Variants in NT5DC4 observed in about 807,000 individuals in gnomAD.
NT5DC4 encodes 5'-nucleotidase domain containing 4.
In NT5DC4, 44 loss-of-function variants were observed where a neutral mutation model predicts 26.6. The ratio of observed to expected loss-of-function variants is 1.65; its 90% CI spans 1.30 to 2.13. The LOEUF is 2.13. Among genes scored for constraint, NT5DC4 ranks in the 30% most tolerant of loss-of-function variants. The probability of loss-of-function intolerance (pLI) is 0.00; values close to 1 mark genes in which losing one functional copy is unlikely to be tolerated. For synonymous variants in NT5DC4, 157 were observed against 86.7 expected (o/e 1.81, Z -4.51); for missense variants, 399 against 228.1 (o/e 1.75, Z -4.83).
chr2:112,740,913 T>C, downstream of NT5DC4: 5 of 1,614,094 alleles, frequency 3.1e-6, no homozygotes, highest in Non-Finnish European at 4.2e-6. Flanking sequence ...CCCTCTCTTT[T>C]GGAGAAAGAC....
chr2:112,727,682 G>A (rs1029636296), intron 15 of NT5DC4, among the ~76,000 whole-genome samples: 1 of 152,212 alleles, frequency 6.6e-6, no homozygotes, highest in Non-Finnish European at 1.5e-5. Context: ...AGAGTCACAG[G>A]TTTCAATGTC....
chr2:112,736,863 C>A (rs1679254898), intron 16 of NT5DC4: 1 of 152,064 alleles, frequency 6.6e-6, no homozygotes, highest in Non-Finnish European at 1.5e-5. Flanking sequence ...GTTTCCACAT[C>A]TTGGCTATTG....
intron 1 of NT5DC4, among the ~76,000 whole-genome samples, 182 bp downstream of exon 1, chr2:112,721,335 C>T (rs538680267): frequency 4.7e-4 from 71 of 152,350 alleles, no homozygotes; most frequent in South Asian, 8.3e-4. Context: ...GAACTGACCA[C>T]ACACACTCCG....
chr2:112,739,453 G>A (rs1207979120), downstream of NT5DC4, among the ~76,000 whole-genome samples: 1 of 152,188 alleles, frequency 6.6e-6, no homozygotes, highest in Non-Finnish European at 1.5e-5. Flanking sequence ...TTTCCAGAAT[G>A]TACTGGGTGG....
chr2:112,725,191 C>G lies in NT5DC4; in HGVS notation c.933C>G (p.His311Gln), dbSNP rs769094639. Residue 311 changes from histidine (H) to glutamine (Q), a missense_variant, in exon 12 of 17, where the codon CAC becomes CAG. Coordinates refer to ENST00000688554, the MANE Select transcript of NT5DC4 (RefSeq NM_001393655.1). ...CCCTCCAGGACTCAGGAAAGCTCCA[C>G]GTGGGCACCTACACAGGGCCCCACC... ...MAGAEDSGKLHVGTYTGPHQH... is the reference protein window; with the variant it reads ...MAGAEDSGKLQVGTYTGPHQH... The G allele has an allele frequency of 5.6e-6, 4 of 716,084 alleles. No individual in the cohort carries two copies. In the African/African-American group the frequency reaches 7.0e-5, roughly 13 times the overall value. The allele number at this position is 716,084 out of a possible 1,614,324, so 44.4% of individuals were successfully genotyped here. A position where few individuals can be genotyped will look rare whatever the true frequency, so the allele number is the denominator to read the frequency against.
At chr2:112,722,844 GC>G (rs1308836110) in intron 6 of NT5DC4, 73 bp downstream of exon 6, 4 of 715,082 alleles carry the variant, frequency 5.6e-6, no homozygotes, top group Admixed American at 4.0e-5. Flanking sequence ...CCAAAGAGGG[GC>G]CCCCCAAGGG....
At chr2:112,741,448 A>G (rs1679957198), downstream of NT5DC4, among the ~76,000 whole-genome samples, 1 of 152,196 alleles carries the variant, frequency 6.6e-6, no homozygotes. Context: ...TGCCTTGGAC[A>G]GTGGGCAAAA....
chr2:112,729,864 T>C lies in NT5DC4; in HGVS notation c.1344+160T>C, dbSNP rs116723138. On this transcript the variant is annotated intron_variant, in intron 16 of 16. Transcript: ENST00000688554. ...AAGCATAGTCATTCCTCATTATTTA[T>C]GTAAAAATGCGTATTATTTTATTGT... Among the ~76,000 whole-genome samples the C allele has an allele frequency of 6.1e-3, 931 of 152,374 alleles. 13 individuals are homozygous for C. The highest frequency in any genetic ancestry group is 0.021 in the African/African-American group (886 of 41,586).
intron 16 of NT5DC4, among the ~76,000 whole-genome samples, chr2:112,734,589 G>A (rs1376214874): frequency 6.6e-6 from 1 of 152,190 alleles, no homozygotes. Context: ...GAGATGCCAA[G>A]TTTGGCTTTG....
At chr2:112,738,701 A>C in intron 16 of NT5DC4, 1 of 658,404 alleles carries the variant, frequency 1.5e-6, no homozygotes, top group African/African-American at 1.8e-5. Context: ...GAATTACTTA[A>C]GTCCTGAGCG....
At chr2:112,740,689 C>T (rs762897264), downstream of NT5DC4, 112 of 717,050 alleles carry the variant, frequency 1.6e-4, 1 homozygote, top group Middle Eastern at 1.3e-3. Context: ...TCTAATACCC[C>T]TCCTGACTCT....
intron 15 of NT5DC4, 76 bp from the exon 16 acceptor site, chr2:112,729,551 T>C: frequency 1.4e-6 from 1 of 708,906 alleles, no homozygotes; most frequent in East Asian, 2.7e-5. Flanking sequence ...CAGGGGAGCC[T>C]GTGCATAGCT....
chr2:112,724,668 G>A (rs978845123), intron 10 of NT5DC4, 113 bp from the exon 11 acceptor site: 2 of 663,792 alleles, frequency 3.0e-6, no homozygotes, highest in Non-Finnish European at 5.6e-6. Flanking sequence ...GGCTGAAGAG[G>A]TCTCATCCAG....
chr2:112,723,315 G>A (rs1025502034), intron 7 of NT5DC4, 103 bp from the exon 8 acceptor site: 42 of 695,296 alleles, frequency 6.0e-5, no homozygotes, highest in East Asian at 3.8e-4. Context: ...TCCCAGAGCC[G>A]CCCACTTTTC....
chr2:112,734,712 CAG>C (rs1056970626), intron 16 of NT5DC4, among the ~76,000 whole-genome samples: 59 of 149,374 alleles, frequency 3.9e-4, no homozygotes, highest in African/African-American at 9.7e-4. Context: ...TTTTGTGAGA[CAG>C]AGTCTTGCTC....
At chr2:112,719,962 CTTTCTT>C (rs1676721729), upstream of NT5DC4, among the ~76,000 whole-genome samples, 1 of 112,328 alleles carries the variant, frequency 8.9e-6, no homozygotes, top group Non-Finnish European at 1.8e-5. Context: ...TTCTTTCTTT[CTTTCTT>C]TCTTTCTTTC....
At chr2:112,735,402 A>T (rs960003629) in intron 16 of NT5DC4, among the ~76,000 whole-genome samples, 1 of 152,154 alleles carries the variant, frequency 6.6e-6, no homozygotes, top group Non-Finnish European at 1.5e-5. Flanking sequence ...CATAGTGAGC[A>T]CTAACAAATG....
intron 7 of NT5DC4, 68 bp from the exon 8 acceptor site, chr2:112,723,350 T>G: frequency 5.0e-6 from 2 of 397,052 alleles, no homozygotes; most frequent in South Asian, 6.0e-5. Context: ...GACATGTGGG[T>G]GGGTACACAT....
intron 11 of NT5DC4, 60 bp downstream of exon 11, chr2:112,724,966 C>T: frequency 2.8e-6 from 2 of 702,748 alleles, no homozygotes; most frequent in South Asian, 1.5e-5. Flanking sequence ...GCCCCTTAGA[C>T]TTGACCTGCC....
Sources: allele counts gnomAD v4.1 joint callset (sites outside exome capture counted in the v4.1 genomes callset), GRCh38; gene constraint gnomAD v4.1.1; transcripts MANE v1.5; gene names NCBI Gene and HGNC (gene_info 2026-07-23, HGNC 2026-07-21).